ADCY1: variants seen among roughly 807,000 people sequenced by gnomAD.
ADCY1 encodes the protein adenylate cyclase type 1.
A neutral mutation model predicts 105.4 loss-of-function variants in ADCY1; 28 were observed. The observed-to-expected ratio is 0.27, with a 90% CI of 0.20 to 0.36. The LOEUF (loss-of-function observed/expected upper bound fraction) is 0.36, where lower values mean the gene tolerates loss of function less well. ADCY1 is among the 10% of genes least tolerant of loss of function. The probability of loss-of-function intolerance (pLI) is 1.00; values close to 1 mark genes in which losing one functional copy is unlikely to be tolerated. For synonymous variants in ADCY1, 655 were observed against 623.8 expected (o/e 1.05, Z -0.75); for missense variants, 977 against 1,434.2 (o/e 0.68, Z 5.15).
rs925083211 is a variant in ADCY1, at chr7:45,616,163, A to T, written c.908+5666A>T. 1.3e-5 allele frequency among the ~76,000 whole-genome samples: 2 copies of T among 152,242 alleles called. 1 individual carries two copies. The highest frequency in any genetic ancestry group is 4.1e-4 in the South Asian group (2 of 4,832). On this transcript the variant is annotated intron_variant, in intron 3 of 19. Transcript: ENST00000297323. ...AAGTAGAAAGTTTGAACAGACCTAT[A>T]TATAGTATGGAGATTGAATCAGTTA...
intron 2 of ADCY1, among the ~76,000 whole-genome samples, chr7:45,601,527 T>C (rs1793240009): frequency 6.6e-6 from 1 of 152,118 alleles, no homozygotes; most frequent in African/African-American, 2.4e-5. Flanking sequence ...GAGGCCATTA[T>C]TGTTTGTTTT....
At chr7:45,612,109 G>A (rs1793608985) in intron 3 of ADCY1, among the ~76,000 whole-genome samples, 1 of 152,180 alleles carries the variant, frequency 6.6e-6, no homozygotes, top group South Asian at 2.1e-4. Context: ...ACTGCCCATT[G>A]TCATGCTATT....
Position 45,716,125 on chromosome 7 carries a change from G to C in ADCY1, c.*2130G>C, listed in dbSNP as rs550841518. ...TGGTGTTCTGGCATCACCTTGTGCC[G>C]GTGGGGGCTGGGCTCCCGTGAGGTC... On this transcript the variant is annotated 3_prime_UTR_variant, in exon 20 of 20. Coordinates refer to ENST00000297323, the MANE Select transcript of ADCY1 (RefSeq NM_021116.4). 1 of 152,790 alleles carries C rather than the reference G, an allele frequency of 6.5e-6. No homozygotes were observed. The highest frequency in any genetic ancestry group is 2.4e-5 in the African/African-American group (1 of 41,452). The allele number at this position is 152,790 out of a possible 1,614,324, so 9.5% of individuals were successfully genotyped here. A position where few individuals can be genotyped will look rare whatever the true frequency, so the allele number is the denominator to read the frequency against.
At chr7:45,685,165 A>C in intron 12 of ADCY1, 97 bp downstream of exon 12, 1 of 1,144,790 alleles carries the variant, frequency 8.7e-7, no homozygotes, top group Non-Finnish European at 1.3e-6. Flanking sequence ...AGAGACAGGG[A>C]GGTCATCAGA....
chr7:45,625,451 G>A (rs1191272152), intron 4 of ADCY1, among the ~76,000 whole-genome samples: 2 of 152,134 alleles, frequency 1.3e-5, no homozygotes, highest in Admixed American at 6.5e-5. Context: ...GTACATATGT[G>A]TGTGAGTGTG....
At chr7:45,681,551 G>A (rs1031022426) in intron 11 of ADCY1, among the ~76,000 whole-genome samples, 8 of 152,204 alleles carry the variant, frequency 5.3e-5, no homozygotes, top group Non-Finnish European at 1.0e-4. Flanking sequence ...TGTGGAAGAA[G>A]CAGAGTGGAG....
At chr7:45,649,548 T>C (rs1024289153) in intron 5 of ADCY1, among the ~76,000 whole-genome samples, 1 of 152,174 alleles carries the variant, frequency 6.6e-6, no homozygotes, top group African/African-American at 2.4e-5. Context: ...TGTAGGGAGA[T>C]GATGGGTAGT....
chr7:45,607,609 C>T (rs1793413647), intron 2 of ADCY1, among the ~76,000 whole-genome samples: 1 of 152,174 alleles, frequency 6.6e-6, no homozygotes, highest in South Asian at 2.1e-4. Context: ...TCCCTCTCTC[C>T]TCCTTTTTGG....
rs894492162 is a variant in ADCY1 at position 45,695,971 on chromosome 7, G to A, written c.2455-7405G>A. Among the ~76,000 whole-genome samples the A allele has an allele frequency of 8.5e-5, 13 of 152,320 alleles. No individual in the cohort carries two copies. The Middle Eastern group carries it at 0.01, about 120-fold the overall frequency. On this transcript the variant is annotated intron_variant, in intron 14 of 19. Coordinates refer to ENST00000297323, the MANE Select transcript of ADCY1 (RefSeq NM_021116.4). Reference sequence around the variant, plus strand: ...TAGCACCTCAATTCCTCCCTGGTTCGAAAAGATAGAGAAACGTTGGTAACT... The same window carrying A: ...TAGCACCTCAATTCCTCCCTGGTTCAAAAAGATAGAGAAACGTTGGTAACT...
chr7:45,613,794 C>T (rs931458364), intron 3 of ADCY1, among the ~76,000 whole-genome samples: 17 of 152,142 alleles, frequency 1.1e-4, no homozygotes, highest in African/African-American at 4.1e-4. Flanking sequence ...TTGTCACATA[C>T]AACAGAACCA....
At chr7:45,695,742 G>A (rs948362596) in intron 14 of ADCY1, among the ~76,000 whole-genome samples, 5 of 152,248 alleles carry the variant, frequency 3.3e-5, no homozygotes, top group Non-Finnish European at 5.9e-5. Flanking sequence ...GTGGAGAGCA[G>A]TGTGGTAGCA....
chr7:45,713,652 C>A lies in ADCY1; in HGVS notation c.3058-41C>A, dbSNP rs772394601. 7.9e-6 allele frequency: 6 copies of A among 755,576 alleles called. No homozygotes were observed. The Admixed American group carries it at 1.0e-4, about 13-fold the overall frequency. The allele number at this position is 755,576 out of a possible 1,614,324, so 46.8% of individuals were successfully genotyped here. A position where few individuals can be genotyped will look rare whatever the true frequency, so the allele number is the denominator to read the frequency against. On this transcript the variant is annotated intron_variant, in intron 19 of 19. Transcript: ENST00000297323. ...TTGGTCTCTTCCCAGAGGAGTCCCC[C>A]TCATTGCCCTGAAGTAACACTCACT... is the stretch of plus-strand genomic sequence containing the variant.
At chr7:45,587,057 G>T (rs1228319448) in intron 1 of ADCY1, among the ~76,000 whole-genome samples, 1 of 152,222 alleles carries the variant, frequency 6.6e-6, no homozygotes, top group African/African-American at 2.4e-5. Flanking sequence ...CAGCCCGGGT[G>T]ATGTCATGTT....
chr7:45,613,981 A>G (rs144330076), intron 3 of ADCY1, among the ~76,000 whole-genome samples: 74 of 152,350 alleles, frequency 4.9e-4, no homozygotes, highest in Non-Finnish European at 7.6e-4. Flanking sequence ...GAGGAAGTTC[A>G]TGACTAAACC....
intron 8 of ADCY1, among the ~76,000 whole-genome samples, chr7:45,663,343 G>A (rs1795181645): frequency 6.6e-6 from 1 of 152,220 alleles, no homozygotes. Flanking sequence ...CGTGTCCAGA[G>A]TTCAGGGGAA....
At chr7:45,666,993 AATTT>A (rs538229213) in intron 8 of ADCY1, among the ~76,000 whole-genome samples, 68 of 152,010 alleles carry the variant, frequency 4.5e-4, no homozygotes, top group Non-Finnish European at 8.5e-4. Context: ...TTTTCTTGTA[AATTT>A]ATTTGAGTTC....
At chr7:45,709,944 T>TCC (rs987494293) in intron 18 of ADCY1, among the ~76,000 whole-genome samples, 1 of 152,180 alleles carries the variant, frequency 6.6e-6, no homozygotes, top group African/African-American at 2.4e-5. Flanking sequence ...CACGATGCTG[T>TCC]CCAGCTGGTC....
intron 14 of ADCY1, among the ~76,000 whole-genome samples, chr7:45,688,614 G>T (rs949296516): frequency 2.6e-5 from 4 of 152,174 alleles, no homozygotes; most frequent in African/African-American, 9.7e-5. Flanking sequence ...TTGTTGATTT[G>T]AGTAAGCAAA....
chr7:45,610,431 A>G lies in ADCY1; in HGVS notation c.842A>G (p.Glu281Gly). 6.2e-7 allele frequency: 1 copy of G among 1,614,022 alleles called. No homozygotes were observed. Among genetic ancestry groups the G allele is most frequent in the Non-Finnish European group, 8.5e-7 (1 of 1,179,992 alleles). ...CGGAACGTTGCCATGGAGATGAAGG[A>G]GGACTTCCTGAAGCCCCCTGAGAGG... is the stretch of plus-strand genomic sequence containing the variant. Reference protein sequence around the residue: ...LPRNVAMEMKEDFLKPPERIF... With the variant: ...LPRNVAMEMKGDFLKPPERIF... The change falls in exon 3 of 20, where the codon GAG becomes GGG. Residue 281 changes from glutamate to glycine, a missense_variant. By Grantham distance (98) the Glu-to-Gly change is moderately conservative. Around this residue, in one of 7 missense-constraint regions of ADCY1, gnomAD observed 196 missense variants for 347.8 expected, o/e 0.56. Coordinates refer to ENST00000297323, the MANE Select transcript of ADCY1 (RefSeq NM_021116.4).
Sources: gnomAD v4.1 joint callset for allele counts (sites outside exome capture counted in the v4.1 genomes callset) on GRCh38, gnomAD v4.1.1 for gene constraint, gnomAD v4.1.1 regional missense constraint, MANE v1.5 for transcripts, NCBI Gene and HGNC (gene_info 2026-07-23, HGNC 2026-07-21) for gene names.